CXADR: variants seen among roughly 807,000 people sequenced by gnomAD.
The protein encoded by CXADR is coxsackievirus and adenovirus receptor.
Under a neutral mutation model 40.3 loss-of-function variants are expected in CXADR, and 20 were observed. The ratio of observed to expected loss-of-function variants is 0.50; its 90% CI spans 0.35 to 0.72. The LOEUF is 0.72. Among genes scored for constraint, CXADR ranks in the 30% least tolerant of loss-of-function variants. The pLI is 0.01. For missense variants in CXADR, 332 were observed against 449.1 expected (o/e 0.74, Z 2.36); for synonymous variants, 150 against 161.3 (o/e 0.93, Z 0.53).
chr21:17,597,281 TCTTG>T (rs1170460563), downstream of CXADR, among the ~76,000 whole-genome samples: 17 of 152,160 alleles, frequency 1.1e-4, no homozygotes, highest in South Asian at 6.2e-4. Flanking sequence ...AGACTTACAT[TCTTG>T]CTTAACAACA....
the CXADR span, among the ~76,000 whole-genome samples, chr21:17,634,529 C>T: frequency 1.3e-5 from 2 of 152,118 alleles, no homozygotes; most frequent in Non-Finnish European, 2.9e-5. Context: ...AGAGAAAGGT[C>T]AGTTGGTGGA....
At chr21:17,581,349 G>A (rs900708651) in intron 7 of CXADR, among the ~76,000 whole-genome samples, 2 of 152,106 alleles carry the variant, frequency 1.3e-5, no homozygotes, top group Non-Finnish European at 2.9e-5. Flanking sequence ...AGAATATTTT[G>A]ATAGATACTA....
intron 1 of CXADR, among the ~76,000 whole-genome samples, chr21:17,524,312 G>A (rs927401767): frequency 2.6e-5 from 4 of 151,896 alleles, no homozygotes; most frequent in African/African-American, 9.7e-5. Context: ...TGTAATTCCA[G>A]CACTTGTGGG....
At chr21:17,589,896 C>T (rs2061422908) in intron 7 of CXADR, among the ~76,000 whole-genome samples, 2 of 152,020 alleles carry the variant, frequency 1.3e-5, no homozygotes, top group South Asian at 4.1e-4. Flanking sequence ...CCCCTACACC[C>T]TCACCAATAT....
chr21:17,528,213 A>G (rs949891004), intron 1 of CXADR, among the ~76,000 whole-genome samples: 7 of 151,188 alleles, frequency 4.6e-5, no homozygotes, highest in Non-Finnish European at 8.8e-5. Context: ...AGCTGGGACT[A>G]CAGGTGCCTG....
At chr21:17,545,375 G>A (rs1416672408) in intron 1 of CXADR, among the ~76,000 whole-genome samples, 2 of 151,936 alleles carry the variant, frequency 1.3e-5, no homozygotes, top group Non-Finnish European at 2.9e-5. Flanking sequence ...TTTATAGTAT[G>A]AATAGGAAAA....
rs557942348 is a variant in CXADR at position 17,562,187 on chromosome 21, G to A, written c.833+711G>A. 2.0e-5 allele frequency among the ~76,000 whole-genome samples: 3 copies of A among 146,572 alleles called. No homozygotes were observed. The South Asian group carries it at 6.7e-4, about 33-fold the overall frequency. On this transcript the variant is annotated intron_variant, in intron 6 of 6. Coordinates refer to ENST00000284878, the MANE Select transcript of CXADR (RefSeq NM_001338.5). ...TGCTAAAAAATGCTAATGATTATCT[G>A]AGCCCTCAGTGAGTCTTAATCTCTC... is the stretch of plus-strand genomic sequence containing the variant.
chr21:17,522,770 G>A (rs912410415), intron 1 of CXADR, among the ~76,000 whole-genome samples: 1 of 152,132 alleles, frequency 6.6e-6, no homozygotes. Flanking sequence ...CAGTTTATGG[G>A]TGCAGTTACT....
At chr21:17,544,120 T>C (rs2060864062) in intron 1 of CXADR, among the ~76,000 whole-genome samples, 1 of 152,202 alleles carries the variant, frequency 6.6e-6, no homozygotes. Flanking sequence ...GAGTAAGTGA[T>C]ACCGATGGTA....
chr21:17,521,603 G>A (rs919481707), intron 1 of CXADR, among the ~76,000 whole-genome samples: 4 of 152,346 alleles, frequency 2.6e-5, no homozygotes, highest in Non-Finnish European at 5.9e-5. Flanking sequence ...GATTATAGGC[G>A]TGAGCCACCG....
At chr21:17,531,025 C>T (rs184334115) in intron 1 of CXADR, among the ~76,000 whole-genome samples, 78 of 152,164 alleles carry the variant, frequency 5.1e-4, no homozygotes, top group African/African-American at 1.8e-3. Flanking sequence ...TGCGGTCAGG[C>T]GCAGTGGCTC....
rs759832050 is a variant in CXADR at position 17,565,671 on chromosome 21, C to G, written c.1077C>G (p.Ser359Arg). The G allele has an allele frequency of 6.2e-5, 100 of 1,611,850 alleles. No homozygotes were observed. The highest frequency in any genetic ancestry group is 8.2e-5 in the Non-Finnish European group (97 of 1,179,830). Reference protein sequence around the residue: ...GAIPVMIPAQSKDGSIV With the variant: ...GAIPVMIPAQRKDGSIV ...TTCCTGTGATGATTCCAGCACAGAG[C>G]AAGGATGGGTCTATAGTATAGAGCC... The change falls in exon 7 of 7, where the codon AGC (serine) becomes AGG (arginine). Residue 359 changes from serine to arginine, a missense_variant. By Grantham distance (110) the Ser-to-Arg change is moderately radical. Transcript: ENST00000284878.
At chr21:17,542,844 T>G (rs1419498028) in intron 1 of CXADR, among the ~76,000 whole-genome samples, 1 of 152,234 alleles carries the variant, frequency 6.6e-6, no homozygotes, top group Non-Finnish European at 1.5e-5. Flanking sequence ...TTGGGCAGTA[T>G]TAGGAAAGAT....
At chr21:17,520,290 T>G (rs373499904) in intron 1 of CXADR, among the ~76,000 whole-genome samples, 2 of 152,162 alleles carry the variant, frequency 1.3e-5, no homozygotes, top group African/African-American at 4.8e-5. Flanking sequence ...TGCAAAGACA[T>G]AGAGATCTGA....
chr21:17,549,130 A>G lies in CXADR; in HGVS notation c.210+1937A>G, dbSNP rs149797957. Among the ~76,000 whole-genome samples the G allele has an allele frequency of 9.1e-4, 139 of 152,300 alleles. 2 individuals are homozygous for G. The East Asian group carries it at 0.019, about 21-fold the overall frequency. Reference sequence around the variant, plus strand: ...ACAGCGTGCTTGGGCAGTGTTTTGTATACTTTAATTGTATATACTTAAGCC... The same window carrying G: ...ACAGCGTGCTTGGGCAGTGTTTTGTGTACTTTAATTGTATATACTTAAGCC... On this transcript the variant is annotated intron_variant, in intron 2 of 6. Coordinates refer to ENST00000284878, the MANE Select transcript of CXADR (RefSeq NM_001338.5).
At chr21:17,550,975 G>GTT (rs1317841686) in intron 2 of CXADR, among the ~76,000 whole-genome samples, 1 of 152,188 alleles carries the variant, frequency 6.6e-6, no homozygotes, top group Non-Finnish European at 1.5e-5. Context: ...ACCAAACAAA[G>GTT]TTATCTTTTT....
Position 17,560,710 on chromosome 21 carries a change from TC to T in CXADR, c.581del (p.Ser194TyrfsTer6), listed in dbSNP as rs1474232296. 6.2e-7 allele frequency: 1 copy of T among 1,612,174 alleles called. No individual in the cohort carries two copies. Among genetic ancestry groups the T allele is most frequent in the Non-Finnish European group, 8.5e-7 (1 of 1,179,410 alleles). On this transcript the variant is annotated frameshift_variant, in exon 5 of 7. Coordinates refer to ENST00000284878, the MANE Select transcript of CXADR (RefSeq NM_001338.5). LOFTEE classifies it high-confidence loss of function. ...MPTSWLAEMT[S>X]SVISVKNASS... ...TTTTCCTCCTTCCATAGAAATGACT[TC>T]ATCTGTTATATCTGTAAAAAATGCC...
Position 17,524,105 on chromosome 21 carries a change from C to T in CXADR, c.43+10933C>T, listed in dbSNP as rs527251519. On this transcript the variant is annotated intron_variant, in intron 1 of 6. Coordinates refer to ENST00000284878, the MANE Select transcript of CXADR (RefSeq NM_001338.5). ...GTTGGGGTTTCACCATGTTGGCCAG[C>T]CTGGTCTTGAACTTCTGACCTCAGG... 2.6e-5 allele frequency among the ~76,000 whole-genome samples: 4 copies of T among 150,988 alleles called. No individual in the cohort carries two copies. In the East Asian group the frequency reaches 6.0e-4, roughly 23 times the overall value.
intron 7 of CXADR, among the ~76,000 whole-genome samples, chr21:17,575,207 CAG>C (rs1348896350): frequency 6.6e-6 from 1 of 152,020 alleles, no homozygotes; most frequent in East Asian, 1.9e-4. Context: ...TTTGTTGAGA[CAG>C]GGTCTTGCTC....
Sources: allele counts gnomAD v4.1 joint callset (sites outside exome capture counted in the v4.1 genomes callset), GRCh38; gene constraint gnomAD v4.1.1; transcripts MANE v1.5; gene names NCBI Gene and HGNC (gene_info 2026-07-23, HGNC 2026-07-21).